The following CRIP2 variants were observed in gnomAD, a reference collection of about 807,000 sequenced individuals.
CRIP2 encodes cysteine rich protein 2.
CRIP2 carries 31 observed loss-of-function variants against 31.3 expected under a neutral mutation model. That is an observed-to-expected ratio of 0.99 (90% confidence interval 0.74 to 1.34). The LOEUF (loss-of-function observed/expected upper bound fraction) is 1.34. Among genes scored for constraint, CRIP2 ranks in the 40% most tolerant of loss-of-function variants. The pLI is 0.00. For missense variants in CRIP2, 389 were observed against 301.6 expected (o/e 1.29, Z -2.15); for synonymous variants, 177 against 127.2 (o/e 1.39, Z -2.63).
At chr14:105,476,403 C>G (rs1555435818) in intron 1 of CRIP2, 2 of 985,382 alleles carry the variant, frequency 2.0e-6, no homozygotes, top group Admixed American at 6.1e-5. Flanking sequence ...AGGCTGCCCC[C>G]GCAGCTCATA....
In CRIP2 at chr14:105,478,194, G is replaced by A; in HGVS notation, c.44-72G>A. On this transcript the variant is annotated intron_variant, in intron 1 of 7. Transcript: ENST00000329146. This position sits in a 1 kb window ranked among gnomAD's most constrained non-coding sequence, Gnocchi z 4.9. The stretch of plus-strand genomic sequence containing the variant: ...ACCCCCGGAGCGCGTGGGGGTGGTG[G>A]CTGCCAGGTGGGGGCGGAGGGGGTG... 4.0e-6 allele frequency: 5 copies of A among 1,247,780 alleles called. No homozygotes were observed. Among genetic ancestry groups the A allele is most frequent in the Non-Finnish European group, 5.3e-6 (5 of 936,628 alleles). 77.3% of individuals were successfully genotyped at this position (1,247,780 alleles called of 1,614,324 possible).
At chr14:105,479,328 C>T in intron 6 of CRIP2, 108 bp from the exon 7 acceptor site, 2 of 1,540,536 alleles carry the variant, frequency 1.3e-6, no homozygotes, top group Non-Finnish European at 1.8e-6. Flanking sequence ...CTGGGAGCTG[C>T]GCTGCCCTCT....
chr14:105,472,978 G>C, upstream of CRIP2: 1 of 577,316 alleles, frequency 1.7e-6, no homozygotes, highest in East Asian at 2.9e-5. Context: ...GGACCTTGGG[G>C]CAGGTGGTCT....
Position 105,479,156 on chromosome 14 carries a change from G to C in CRIP2, c.438G>C (p.Trp146Cys). Residue 146 changes from tryptophan to cysteine, a missense_variant, in exon 6 of 8, where the codon TGG becomes TGC. Transcript: ENST00000329146. Reference protein sequence around the residue: ...AEKVTSLGKDWHRPCLRCERC... With the variant: ...AEKVTSLGKDCHRPCLRCERC... ...AGGTGACGTCTCTGGGCAAGGATTGGCACCGGCCCTGCCTGCGCTGCGAGC... is the reference window on the plus strand; with the variant it reads ...AGGTGACGTCTCTGGGCAAGGATTGCCACCGGCCCTGCCTGCGCTGCGAGC... 6.2e-7 allele frequency: 1 copy of C among 1,611,778 alleles called. No homozygotes were observed. The highest frequency in any genetic ancestry group is 2.2e-5 in the East Asian group (1 of 44,836).
In CRIP2 at chr14:105,478,853, C is replaced by T; in HGVS notation, c.319C>T (p.Pro107Ser). Residue 107 changes from proline to serine, a missense_variant, in exon 4 of 8, where the codon CCG (proline) becomes TCG (serine). Transcript: ENST00000329146. The surrounding 1 kb of genome is among the most constrained non-coding windows in gnomAD (Gnocchi z 4.9). Reference protein sequence around the residue: ...RAEERKASGPPKGPSRASSVT... With the variant: ...RAEERKASGPSKGPSRASSVT... ...AGAGGAGCGGAAGGCGAGCGGCCCC[C>T]CGAAGGGGCCCAGCAGAGGTGGGCT... The T allele has an allele frequency of 7.0e-7, 1 of 1,426,146 alleles. No homozygotes were observed. Among genetic ancestry groups the T allele is most frequent in the Non-Finnish European group, 9.1e-7 (1 of 1,100,758 alleles). The allele number at this position is 1,426,146 out of a possible 1,614,324, so 88.3% of individuals were successfully genotyped here. A position where few individuals can be genotyped will look rare whatever the true frequency, so the allele number is the denominator to read the frequency against.
chr14:105,480,054 T>G lies in CRIP2; in HGVS notation c.*401T>G. The G allele has an allele frequency of 4.7e-6, 1 of 214,500 alleles. No homozygotes were observed. The highest frequency in any genetic ancestry group is 9.5e-6 in the Non-Finnish European group (1 of 105,352). 13.3% of individuals were successfully genotyped at this position (214,500 alleles called of 1,614,324 possible). On this transcript the variant is annotated 3_prime_UTR_variant, in exon 8 of 8. Transcript: ENST00000329146. ...CCATGTCCCTGGCAGAGGGCTTCCC[T>G]CCGGGATCCCCTGCCTGGTGCCCAC...
intron 1 of CRIP2, chr14:105,477,263 G>A (rs2083951975): frequency 1.0e-6 from 1 of 985,306 alleles, no homozygotes; most frequent in Non-Finnish European, 1.2e-6. Flanking sequence ...TAGCCCCAGT[G>A]TGGGGGTGGG....
chr14:105,476,048 G>T, intron 1 of CRIP2: 13 of 985,598 alleles, frequency 1.3e-5, no homozygotes, highest in Non-Finnish European at 1.6e-5. Context: ...AGTGCTTCTG[G>T]CGTGGCTGGG....
upstream of CRIP2, chr14:105,473,058 C>T (rs2083869404): frequency 5.1e-6 from 2 of 388,714 alleles, no homozygotes; most frequent in African/African-American, 2.6e-5. Context: ...GCAAGCCCCA[C>T]AGGTAGCAAA....
At chr14:105,474,655 C>T (rs1247056147), upstream of CRIP2, 2 of 443,444 alleles carry the variant, frequency 4.5e-6, no homozygotes, top group Non-Finnish European at 5.9e-6. The surrounding 1 kb of genome is among the most constrained non-coding windows in gnomAD (Gnocchi z 5.1). Flanking sequence ...CCTGGCCCGG[C>T]TGCCCCGCAC....
rs782673854 is a variant in CRIP2, at chr14:105,478,300, C to T, written c.78C>T (p.His26=). The T allele has an allele frequency of 6.4e-7, 1 of 1,572,936 alleles. No homozygotes were observed. The highest frequency in any genetic ancestry group is 1.2e-5 in the South Asian group (1 of 86,864). ...EKVSSLGKDW[H]KFCLKCERCS... The stretch of plus-strand genomic sequence containing the variant: ...TGAGCTCCCTGGGGAAGGACTGGCA[C>T]AAGTTCTGCCTCAAGTGCGAGCGCT... Residue 26 remains histidine (H), a synonymous_variant, in exon 2 of 8, where the codon CAC becomes CAT. Coordinates refer to ENST00000329146, the MANE Select transcript of CRIP2 (RefSeq NM_001312.4). This position sits in a 1 kb window ranked among gnomAD's most constrained non-coding sequence, Gnocchi z 4.9.
Position 105,479,832 on chromosome 14 carries a change from T to TCTGCC in CRIP2, c.*181_*185dup. 1.5e-6 allele frequency: 1 copy of TCTGCC among 654,882 alleles called. No individual in the cohort carries two copies. Among genetic ancestry groups the TCTGCC allele is most frequent in the East Asian group, 2.7e-5 (1 of 36,430 alleles). 40.6% of individuals were successfully genotyped at this position (654,882 alleles called of 1,614,324 possible). A position where few individuals can be genotyped will look rare whatever the true frequency, so the allele number is the denominator to read the frequency against. On this transcript the variant is annotated 3_prime_UTR_variant, in exon 8 of 8. Transcript: ENST00000329146. The stretch of plus-strand genomic sequence containing the variant: ...TGCCCATCCCCGAGTCTCTGGTGTG[T>TCTGCC]CTGCCCCCTCTGGCATCCTCTGGGC...
chr14:105,474,633 G>A (rs2083892919), upstream of CRIP2: 1 of 283,304 alleles, frequency 3.5e-6, no homozygotes, highest in Non-Finnish European at 5.2e-6. This position sits in a 1 kb window ranked among gnomAD's most constrained non-coding sequence, Gnocchi z 5.1. Flanking sequence ...CGAGGGGCCC[G>A]GGGGCGCCAG....
At chr14:105,473,943 G>C (rs1334124615), upstream of CRIP2, among the ~76,000 whole-genome samples, 3 of 152,190 alleles carry the variant, frequency 2.0e-5, no homozygotes, top group Non-Finnish European at 4.4e-5. Context: ...CCGGGGCACA[G>C]AGGGCACGCC....
chr14:105,475,842 C>A, intron 1 of CRIP2: 2 of 985,482 alleles, frequency 2.0e-6, no homozygotes, highest in Non-Finnish European at 2.4e-6. Context: ...AGCTGCTGCA[C>A]GAAGGGGGGC....
In CRIP2 at chr14:105,479,743, G is replaced by C. The variant is rs1179922580; in HGVS notation, c.*90G>C. 19 of 1,363,544 alleles carry C rather than the reference G, an allele frequency of 1.4e-5. No individual in the cohort carries two copies. The highest frequency in any genetic ancestry group is 1.8e-5 in the Non-Finnish European group (18 of 989,520). 84.5% of individuals were successfully genotyped at this position (1,363,544 alleles called of 1,614,324 possible). On this transcript the variant is annotated 3_prime_UTR_variant, in exon 8 of 8. Transcript: ENST00000329146. ...GGCTCTGCTGGGAGAGTGCTCAGCC[G>C]CCCAGTCCTGCCTGCAAGCCCAGGG...
chr14:105,474,349 G>C (rs1400225251), upstream of CRIP2: 5 of 151,870 alleles, frequency 3.3e-5, no homozygotes, highest in African/African-American at 1.2e-4. This position sits in a 1 kb window ranked among gnomAD's most constrained non-coding sequence, Gnocchi z 5.1. Flanking sequence ...AGCGGGACAG[G>C]CGCCGCGCGC....
chr14:105,479,369 G>A, intron 6 of CRIP2, 67 bp from the exon 7 acceptor site: 1 of 1,604,132 alleles, frequency 6.2e-7, no homozygotes, highest in Non-Finnish European at 8.5e-7. Flanking sequence ...GCACGTTCTG[G>A]AAGCCTCCAG....
chr14:105,476,845 C>A, intron 1 of CRIP2: 1 of 872,182 alleles, frequency 1.1e-6, no homozygotes, highest in Non-Finnish European at 1.4e-6. Context: ...CCTGGCCATG[C>A]CCAGAGGGTT....
Sources: gnomAD v4.1 joint callset for allele counts (sites outside exome capture counted in the v4.1 genomes callset) on GRCh38, gnomAD v4.1.1 for gene constraint, Gnocchi (gnomAD v3.1) non-coding constraint, MANE v1.5 for transcripts, NCBI Gene and HGNC (gene_info 2026-07-23, HGNC 2026-07-21) for gene names.